TFB1M: variants seen among roughly 807,000 people sequenced by gnomAD.
The protein encoded by TFB1M is transcription factor B1, mitochondrial.
In TFB1M, 27 loss-of-function variants were observed where a neutral mutation model predicts 31.1. The observed-to-expected ratio is 0.87, with a 90% CI of 0.64 to 1.20. TFB1M has a LOEUF of 1.20. Among genes scored for constraint, TFB1M ranks in the 50% most tolerant of loss-of-function variants. The pLI is 0.00. For missense variants in TFB1M, 394 were observed against 418.7 expected, an observed-to-expected ratio of 0.94 and a Z score of 0.51; for synonymous variants, 166 against 151.8, an observed-to-expected ratio of 1.09 and a Z score of -0.69.
In TFB1M at chr6:155,276,158, T is replaced by C. The variant is rs1427595601; in HGVS notation, c.666+9000A>G. ...GTACACAAAGGAGATCATAGCAAAC[T>C]TTCTGGATCTGACAGTTCCAGAAAG... is the stretch of plus-strand genomic sequence containing the variant. On this transcript the variant is annotated intron_variant, in intron 5 of 6. Coordinates refer to ENST00000367166, the MANE Select transcript of TFB1M (RefSeq NM_016020.4). 3 of 1,614,176 alleles carry C rather than the reference T, an allele frequency of 1.9e-6. No individual in the cohort carries two copies. In the East Asian group the frequency reaches 6.7e-5, roughly 36 times the overall value.
rs943357606 is a variant in TFB1M at position 155,303,522 on chromosome 6, A to C, written c.286-4937T>G. On this transcript the variant is annotated intron_variant, in intron 2 of 6. Coordinates refer to ENST00000367166, the MANE Select transcript of TFB1M (RefSeq NM_016020.4). ...TTTGGCTGTAAGCCACTTTTTGCTTACTTGTTGAGTTTTGTCTATGTTATG... is the reference window on the plus strand; with the variant it reads ...TTTGGCTGTAAGCCACTTTTTGCTTCCTTGTTGAGTTTTGTCTATGTTATG... 32 of 152,298 alleles carry C rather than the reference A, an allele frequency of 2.1e-4. 1 individual carries two copies. The highest frequency in any genetic ancestry group is 1.7e-3 in the Admixed American group (26 of 15,298). The allele number at this position is 152,298 out of a possible 1,614,324, so 9.4% of individuals were successfully genotyped here. A position where few individuals can be genotyped will look rare whatever the true frequency, so the allele number is the denominator to read the frequency against.
the TFB1M span, among the ~76,000 whole-genome samples, chr6:155,243,007 T>C: frequency 2.6e-5 from 4 of 151,964 alleles, no homozygotes; most frequent in Admixed American, 2.6e-4. Flanking sequence ...CCTCCCAAAG[T>C]GCTGGGATTA....
the TFB1M span, among the ~76,000 whole-genome samples, chr6:155,236,045 T>C: frequency 6.6e-6 from 1 of 152,138 alleles, no homozygotes; most frequent in African/African-American, 2.4e-5. Context: ...TGCAGAATTA[T>C]ATTGTCTGAG....
intron 6 of TFB1M, 74 bp downstream of exon 6, chr6:155,260,199 A>G (rs1425967066): frequency 7.5e-5 from 113 of 1,507,056 alleles, no homozygotes; most frequent in Non-Finnish European, 1.0e-4. Context: ...TAGAGCAAAC[A>G]AGGTTCTCAC....
Position 155,297,120 on chromosome 6 carries a change from A to C in TFB1M, c.395-16T>G, listed in dbSNP as rs950152900. ...TTTGGAGGATCTGGTGGCAGAGGAA[A>C]AAACAACCTGAAATGATTCCATCAA... On this transcript the variant is annotated splice_polypyrimidine_tract_variant and intron_variant, in intron 3 of 6. Transcript: ENST00000367166. 2.5e-6 allele frequency: 4 copies of C among 1,612,028 alleles called. No homozygotes were observed. Among genetic ancestry groups the C allele is most frequent in the Non-Finnish European group, 3.4e-6 (4 of 1,179,454 alleles).
chr6:155,304,873 T>C (rs144299367), intron 2 of TFB1M, among the ~76,000 whole-genome samples: 9 of 151,534 alleles, frequency 5.9e-5, no homozygotes, highest in Non-Finnish European at 8.8e-5. Flanking sequence ...AATAGACCTA[T>C]AGATAAATAG....
the TFB1M span, chr6:155,244,556 C>T: frequency 2.7e-5 from 37 of 1,385,732 alleles, 1 homozygote; most frequent in Middle Eastern, 1.3e-3. Context: ...TCTGCTTTTC[C>T]GTGAAGAATT....
intron 4 of TFB1M, among the ~76,000 whole-genome samples, chr6:155,287,780 TA>T (rs1483388677): frequency 6.6e-6 from 1 of 152,044 alleles, no homozygotes; most frequent in East Asian, 1.9e-4. Flanking sequence ...GAGTGGTGGG[TA>T]AAAAAATTTA....
At chr6:155,254,482 G>C (rs755162381), downstream of TFB1M, 1 of 1,614,124 alleles carries the variant, frequency 6.2e-7, no homozygotes, top group South Asian at 1.1e-5. Flanking sequence ...AGAACTTCAG[G>C]CGTCACATAA....
chr6:155,294,443 T>TA (rs1301543336), intron 4 of TFB1M, among the ~76,000 whole-genome samples: 2 of 152,088 alleles, frequency 1.3e-5, no homozygotes, highest in Admixed American at 6.5e-5. Flanking sequence ...TGAAGAGTAT[T>TA]AAAGAGTATG....
chr6:155,254,757 C>A, downstream of TFB1M: 1 of 669,394 alleles, frequency 1.5e-6, no homozygotes, highest in Non-Finnish European at 2.4e-6. Context: ...TACAGCCACC[C>A]CCAACCCCCA....
At chr6:155,258,761 T>C (rs1784242396) in intron 6 of TFB1M, among the ~76,000 whole-genome samples, 1 of 152,200 alleles carries the variant, frequency 6.6e-6, no homozygotes, top group Non-Finnish European at 1.5e-5. Flanking sequence ...CCCAAGGGGC[T>C]TGGAAGGTGT....
At chr6:155,232,966 G>C in the TFB1M span, 2 of 152,026 alleles carry the variant, frequency 1.3e-5, no homozygotes, top group Admixed American at 1.3e-4. Context: ...TTTTTTCTTA[G>C]ACTGAAAGTG....
At chr6:155,245,848 C>A in the TFB1M span, 1 of 617,876 alleles carries the variant, frequency 1.6e-6, no homozygotes, top group Non-Finnish European at 2.6e-6. Context: ...TATTAAGGTC[C>A]ATCCTTGACC....
At chr6:155,247,909 A>G in the TFB1M span, 7 of 1,460,036 alleles carry the variant, frequency 4.8e-6, no homozygotes, top group Non-Finnish European at 6.5e-6. Flanking sequence ...AGGACTATAG[A>G]AATAGATGAT....
intron 5 of TFB1M, among the ~76,000 whole-genome samples, chr6:155,268,402 TCA>T (rs1491130637): frequency 6.6e-6 from 1 of 152,214 alleles, no homozygotes; most frequent in Non-Finnish European, 1.5e-5. Context: ...GAGGTCTCTC[TCA>T]TAAGCCTGTT....
the TFB1M span, chr6:155,248,272 C>T: frequency 2.2e-5 from 31 of 1,395,712 alleles, no homozygotes; most frequent in South Asian, 4.2e-5. Flanking sequence ...ACCTCTTCCC[C>T]GCCTAGTGGC....
At chr6:155,277,977 A>G (rs939683173) in intron 5 of TFB1M, among the ~76,000 whole-genome samples, 24 of 152,334 alleles carry the variant, frequency 1.6e-4, no homozygotes, top group African/African-American at 5.8e-4. Flanking sequence ...TACTTCAAAA[A>G]TAATTTTTAT....
At chr6:155,310,751 CGTGCATAT>C (rs1777981068) in intron 2 of TFB1M, 1 of 171,304 alleles carries the variant, frequency 5.8e-6, no homozygotes. Context: ...TGATGACAAA[CGTGCATAT>C]GTCTTACTCA....
Sources: allele counts gnomAD v4.1 joint callset (sites outside exome capture counted in the v4.1 genomes callset), GRCh38; gene constraint gnomAD v4.1.1; transcripts MANE v1.5; gene names NCBI Gene and HGNC (gene_info 2026-07-23, HGNC 2026-07-21).